Variants in ATP2C1 observed in about 807,000 individuals in gnomAD.
ATP2C1 encodes ATPase secretory pathway Ca2+ transporting 1.
In ATP2C1, 31 loss-of-function variants were observed where a neutral mutation model predicts 120.5. The ratio of observed to expected loss-of-function variants is 0.26; its 90% CI spans 0.19 to 0.35. ATP2C1 has a LOEUF of 0.35. ATP2C1 is among the 10% of genes least tolerant of loss of function. The probability of loss-of-function intolerance (pLI) is 1.00; values close to 1 mark genes in which losing one functional copy is unlikely to be tolerated. For missense variants in ATP2C1, 731 were observed against 1,107.5 expected, an observed-to-expected ratio of 0.66 and a Z score of 4.83; for synonymous variants, 351 against 358.7, an observed-to-expected ratio of 0.98 and a Z score of 0.24.
chr3:130,980,456 G>A, intron 19 of ATP2C1, 126 bp from the exon 20 acceptor site: 1 of 703,136 alleles, frequency 1.4e-6, no homozygotes, highest in East Asian at 2.8e-5. Flanking sequence ...GATTCAGATA[G>A]GTTTGTATTA....
At chr3:130,928,640 A>G (rs2059321417) in intron 2 of ATP2C1, among the ~76,000 whole-genome samples, 1 of 152,200 alleles carries the variant, frequency 6.6e-6, no homozygotes, top group Admixed American at 6.5e-5. Flanking sequence ...AAAAGTATTA[A>G]TAGCTGTCAT....
chr3:130,859,492 G>A lies in ATP2C1; in HGVS notation c.108+8564G>A, dbSNP rs74347564. Among the ~76,000 whole-genome samples, 12 of 152,224 alleles carry A rather than the reference G, an allele frequency of 7.9e-5. 1 individual carries two copies. In the East Asian group the frequency reaches 2.3e-3, roughly 29 times the overall value. ...ATACATAGCAGTCATTGATAAATGG[G>A]GGTGCCAAGAAATTTCAGGTTATTT... On this transcript the variant is annotated intron_variant, in intron 1 of 26. Coordinates refer to the ATP2C1 transcript ENST00000504381.
intron 2 of ATP2C1, among the ~76,000 whole-genome samples, chr3:130,925,628 G>A (rs777990881): frequency 5.9e-5 from 9 of 152,336 alleles, no homozygotes; most frequent in Middle Eastern, 3.4e-3. Flanking sequence ...TTGCCCTAGA[G>A]ACACTTGGTC....
At position 130,937,438 on chromosome 3, in the gene ATP2C1, T is replaced by C. The variant is rs2059719964; in HGVS notation, c.335T>C (p.Ile112Thr). Reference protein sequence around the residue: ...DAVSITVAILIVVTVAFVQEY... With the variant: ...DAVSITVAILTVVTVAFVQEY... Reference sequence around the variant, plus strand: ...GTTTCTTTTGTTTAGGCAATACTTATCGTTGTTACAGTTGCCTTTGTTCAG... The same window carrying C: ...GTTTCTTTTGTTTAGGCAATACTTACCGTTGTTACAGTTGCCTTTGTTCAG... Residue 112 changes from isoleucine to threonine, a missense_variant, in exon 6 of 28, where the codon ATC (isoleucine) becomes ACC (threonine). This residue lies in a region of ATP2C1 where 571 missense variants were observed against 845.9 expected (regional missense o/e 0.67). Coordinates refer to ENST00000510168, the MANE Select transcript of ATP2C1 (RefSeq NM_001378687.1). The C allele has an allele frequency of 3.7e-6, 6 of 1,613,802 alleles. No individual in the cohort carries two copies. The highest frequency in any genetic ancestry group is 1.1e-5 in the South Asian group (1 of 91,084).
At chr3:130,867,210 A>G (rs1021379109) in intron 1 of ATP2C1, among the ~76,000 whole-genome samples, 8 of 152,196 alleles carry the variant, frequency 5.3e-5, no homozygotes, top group Admixed American at 2.0e-4. Context: ...AAGTAGTCCA[A>G]TAATAACCCT....
Position 130,953,932 on chromosome 3 carries a change from A to T in ATP2C1, c.643A>T (p.Asn215Tyr), listed in dbSNP as rs1559968481. The T allele has an allele frequency of 6.2e-7, 1 of 1,614,002 alleles. No individual in the cohort carries two copies. Among genetic ancestry groups the T allele is most frequent in the Non-Finnish European group, 8.5e-7 (1 of 1,179,974 alleles). ...ATNGDLASRSNIAFMGTLVRC... is the reference protein window; with the variant it reads ...ATNGDLASRSYIAFMGTLVRC... ...TAATGGAGATCTTGCATCGAGAAGTAACATTGCCTTTATGGGAACACTGGT... is the reference window on the plus strand; with the variant it reads ...TAATGGAGATCTTGCATCGAGAAGTTACATTGCCTTTATGGGAACACTGGT... The change falls in exon 9 of 28, where the codon AAC (asparagine) becomes TAC (tyrosine). Residue 215 changes from asparagine to tyrosine, a missense_variant. This residue lies in a region of ATP2C1 where 571 missense variants were observed against 845.9 expected (regional missense o/e 0.67). Transcript: ENST00000510168.
intron 19 of ATP2C1, among the ~76,000 whole-genome samples, chr3:130,980,103 AT>A (rs2061690567): frequency 6.6e-6 from 1 of 152,160 alleles, no homozygotes; most frequent in African/African-American, 2.4e-5. Flanking sequence ...TAACTACATG[AT>A]TACCACAGAT....
At chr3:130,933,737 G>A (rs946944009) in intron 4 of ATP2C1, among the ~76,000 whole-genome samples, 1 of 152,168 alleles carries the variant, frequency 6.6e-6, no homozygotes, top group African/African-American at 2.4e-5. Flanking sequence ...AATTAACTTG[G>A]TGTGAATCTG....
At position 130,894,451 on chromosome 3, in the gene ATP2C1, G is replaced by A. The variant is rs1346042025; in HGVS notation, c.-181+114G>A. On this transcript the variant is annotated intron_variant, in intron 1 of 27. Transcript: ENST00000510168. This position sits in a 1 kb window ranked among gnomAD's most constrained non-coding sequence, Gnocchi z 4.5. ...GGCATCTCTAGGGCGCCGCCCCGCT[G>A]GCGTGAGCTGGGGACGTTGCGGGCA... 1.5e-6 allele frequency: 2 copies of A among 1,326,572 alleles called. No individual in the cohort carries two copies. The allele number at this position is 1,326,572 out of a possible 1,614,324, so 82.2% of individuals were successfully genotyped here.
intron 20 of ATP2C1, among the ~76,000 whole-genome samples, chr3:130,981,877 C>G (rs2061781511): frequency 6.6e-6 from 1 of 152,152 alleles, no homozygotes; most frequent in African/African-American, 2.4e-5. Context: ...GTCTGCCCTG[C>G]CTATTTTTTA....
chr3:130,898,641 A>G (rs549048252), intron 2 of ATP2C1, among the ~76,000 whole-genome samples: 30 of 152,172 alleles, frequency 2.0e-4, no homozygotes, highest in Non-Finnish European at 3.7e-4. Flanking sequence ...TGTATGCAAT[A>G]ACCTTCTGAC....
chr3:130,865,537 A>T (rs180921600), intron 1 of ATP2C1, among the ~76,000 whole-genome samples: 77 of 152,346 alleles, frequency 5.1e-4, no homozygotes, highest in African/African-American at 1.8e-3. Context: ...CCCAAATTTC[A>T]ACTTGACTTC....
At chr3:130,928,123 G>A (rs535069788) in intron 2 of ATP2C1, 1 of 152,304 alleles carries the variant, frequency 6.6e-6, no homozygotes, top group Admixed American at 6.5e-5. Flanking sequence ...ATGAGTTTCT[G>A]CTACCTTCTA....
intron 2 of ATP2C1, among the ~76,000 whole-genome samples, chr3:130,902,870 A>G (rs1213744378): frequency 6.6e-6 from 1 of 151,838 alleles, no homozygotes; most frequent in African/African-American, 2.4e-5. Flanking sequence ...TGTTAGGGAC[A>G]GGACCACCGA....
intron 27 of ATP2C1, 92 bp from the exon 28 acceptor site, chr3:131,001,127 AG>A: frequency 1.0e-6 from 1 of 977,152 alleles, no homozygotes. Context: ...AAAAAAAAAA[AG>A]TTGTGTTAAA....
chr3:130,946,955 G>A (rs571361799), intron 8 of ATP2C1, among the ~76,000 whole-genome samples: 2 of 152,316 alleles, frequency 1.3e-5, no homozygotes, highest in Admixed American at 1.3e-4. Flanking sequence ...AAGTGAAAAA[G>A]ACAGTTTGAG....
chr3:131,012,429 TG>T (rs1404259307), intron 26 of ATP2C1, among the ~76,000 whole-genome samples: 1 of 151,948 alleles, frequency 6.6e-6, no homozygotes, highest in Admixed American at 6.6e-5. Context: ...GGCTAATTTT[TG>T]TATTTTTAGT....
chr3:131,003,203 G>T (rs2062975555), downstream of ATP2C1: 3 of 962,992 alleles, frequency 3.1e-6, no homozygotes, highest in Admixed American at 1.2e-4. Flanking sequence ...GGATGCTGAA[G>T]ATACAGAAAT....
intron 17 of ATP2C1, among the ~76,000 whole-genome samples, chr3:130,969,722 AG>A (rs1459608245): frequency 6.6e-6 from 1 of 152,220 alleles, no homozygotes; most frequent in African/African-American, 2.4e-5. Flanking sequence ...GTTCCTTATA[AG>A]GTCTTTGCAG....
Sources: allele counts gnomAD v4.1 joint callset (sites outside exome capture counted in the v4.1 genomes callset), GRCh38; gene constraint gnomAD v4.1.1; regional missense constraint gnomAD v4.1.1; non-coding constraint Gnocchi (gnomAD v3.1); transcripts MANE v1.5; gene names NCBI Gene and HGNC (gene_info 2026-07-23, HGNC 2026-07-21).